Variants in MEIKIN observed in about 807,000 individuals in gnomAD.
MEIKIN encodes the protein meiosis-specific kinetochore protein.
At chr5:131,837,946 C>T (rs1749839918) in intron 11 of MEIKIN, among the ~76,000 whole-genome samples, 1 of 152,026 alleles carries the variant, frequency 6.6e-6, no homozygotes, top group Admixed American at 6.6e-5. Context: ...TGCTGGTTTT[C>T]AAGGGTAGTG....
chr5:131,863,862 GCT>G (rs891776709), intron 9 of MEIKIN, among the ~76,000 whole-genome samples: 1 of 152,054 alleles, frequency 6.6e-6, no homozygotes, highest in African/African-American at 2.4e-5. Context: ...GCCTGCACAA[GCT>G]CTCTCTGCCT....
chr5:131,850,602 C>T (rs572412389), intron 11 of MEIKIN, among the ~76,000 whole-genome samples: 7 of 152,206 alleles, frequency 4.6e-5, no homozygotes, highest in African/African-American at 1.7e-4. Context: ...ACAAATGATG[C>T]TGAGAAAACT....
Position 131,824,493 on chromosome 5 carries a change from C to T in MEIKIN, c.976-5630G>A, listed in dbSNP as rs550674332. On this transcript the variant is annotated intron_variant, in intron 11 of 12. Coordinates refer to ENST00000442687, the MANE Select transcript of MEIKIN (RefSeq NM_001303622.2). ...TATAATCCCACTGCTACACTCCAGC[C>T]TAAGTAACAGAGAGAGACATCCTGT... Among the ~76,000 whole-genome samples the T allele has an allele frequency of 1.2e-4, 18 of 151,978 alleles. 1 individual carries two copies. The South Asian group carries it at 2.1e-3, about 18-fold the overall frequency.
At chr5:131,896,034 T>G (rs546612579) in intron 8 of MEIKIN, among the ~76,000 whole-genome samples, 21 of 152,242 alleles carry the variant, frequency 1.4e-4, no homozygotes, top group Non-Finnish European at 2.6e-4. Flanking sequence ...GTGCTATAAA[T>G]TGCCCTCTAC....
intron 8 of MEIKIN, among the ~76,000 whole-genome samples, chr5:131,881,423 C>T (rs1750701637): frequency 6.6e-6 from 1 of 152,168 alleles, no homozygotes; most frequent in African/African-American, 2.4e-5. Context: ...TTCTCCCTTT[C>T]CCTACCTCTA....
At chr5:131,925,914 C>G (rs556736211) in intron 5 of MEIKIN, among the ~76,000 whole-genome samples, 125 of 152,234 alleles carry the variant, frequency 8.2e-4, no homozygotes, top group African/African-American at 2.9e-3. Context: ...GTGATCTGCC[C>G]GCCTTGGCCT....
At chr5:131,928,557 T>G (rs948838727) in intron 5 of MEIKIN, among the ~76,000 whole-genome samples, 2 of 152,214 alleles carry the variant, frequency 1.3e-5, no homozygotes, top group East Asian at 3.8e-4. Context: ...TTTATTCATG[T>G]CACAATTTAT....
At chr5:131,826,884 A>G (rs1231934726) in intron 11 of MEIKIN, among the ~76,000 whole-genome samples, 2 of 152,256 alleles carry the variant, frequency 1.3e-5, no homozygotes, top group Non-Finnish European at 2.9e-5. Flanking sequence ...ACCTGGTCTC[A>G]GGTAGTATCC....
intron 5 of MEIKIN, among the ~76,000 whole-genome samples, chr5:131,923,468 T>A (rs1035733673): frequency 5.9e-5 from 9 of 152,042 alleles, no homozygotes; most frequent in African/African-American, 2.2e-4. Context: ...TGTTCTTCTA[T>A]CTTATATTTT....
At chr5:131,921,049 A>C (rs1341371174) in intron 6 of MEIKIN, among the ~76,000 whole-genome samples, 1 of 152,132 alleles carries the variant, frequency 6.6e-6, no homozygotes, top group African/African-American at 2.4e-5. Flanking sequence ...ATCCCAACTA[A>C]GGGACATTCT....
intron 11 of MEIKIN, among the ~76,000 whole-genome samples, chr5:131,833,166 C>A (rs1228645360): frequency 6.6e-6 from 1 of 152,314 alleles, no homozygotes; most frequent in Non-Finnish European, 1.5e-5. Flanking sequence ...CAAGTCACCT[C>A]CTGAATGCTT....
At chr5:131,895,118 A>G (rs1751013199) in intron 8 of MEIKIN, among the ~76,000 whole-genome samples, 1 of 152,174 alleles carries the variant, frequency 6.6e-6, no homozygotes, top group Non-Finnish European at 1.5e-5. Context: ...ATTTTGTCGA[A>G]GGCCTCTTCT....
chr5:131,891,372 A>C (rs1750914011), intron 8 of MEIKIN, among the ~76,000 whole-genome samples: 1 of 152,156 alleles, frequency 6.6e-6, no homozygotes, highest in African/African-American at 2.4e-5. Flanking sequence ...GTAGGTCACT[A>C]AGGACTTGCT....
intron 12 of MEIKIN, among the ~76,000 whole-genome samples, chr5:131,815,786 A>C (rs1455232154): frequency 6.6e-6 from 1 of 152,254 alleles, no homozygotes; most frequent in Non-Finnish European, 1.5e-5. Context: ...CAATCCATGC[A>C]GGACTGCTAA....
chr5:131,871,966 A>G (rs1049345158), intron 9 of MEIKIN, among the ~76,000 whole-genome samples: 1 of 152,188 alleles, frequency 6.6e-6, no homozygotes, highest in African/African-American at 2.4e-5. Context: ...ACTAACAAAC[A>G]GGAAGGACAT....
chr5:131,917,106 AATTTTATGAG>A (rs1459214322), intron 6 of MEIKIN, among the ~76,000 whole-genome samples, 181 bp from the exon 7 acceptor site: 7 of 152,150 alleles, frequency 4.6e-5, no homozygotes, highest in Non-Finnish European at 8.8e-5. Context: ...AATGCTGCAA[AATTTTATGAG>A]ATACAGGAAT....
intron 11 of MEIKIN, among the ~76,000 whole-genome samples, chr5:131,836,377 T>C (rs937507861): frequency 6.6e-6 from 1 of 152,204 alleles, no homozygotes; most frequent in African/African-American, 2.4e-5. Flanking sequence ...TGTGTCTTTA[T>C]GGTAGAACAA....
At chr5:131,914,777 T>C (rs1751391953) in intron 7 of MEIKIN, among the ~76,000 whole-genome samples, 1 of 152,112 alleles carries the variant, frequency 6.6e-6, no homozygotes, top group South Asian at 2.1e-4. Flanking sequence ...TAGAGCATTA[T>C]TAGAAAGAGA....
At chr5:131,868,103 T>G (rs1750420248) in intron 9 of MEIKIN, among the ~76,000 whole-genome samples, 1 of 152,196 alleles carries the variant, frequency 6.6e-6, no homozygotes, top group Non-Finnish European at 1.5e-5. Flanking sequence ...GTTTCTGGTT[T>G]TTTTGAAACA....
Sources: allele counts gnomAD v4.1 joint callset (sites outside exome capture counted in the v4.1 genomes callset), GRCh38; gene constraint gnomAD v4.1.1; transcripts MANE v1.5; gene names NCBI Gene and HGNC (gene_info 2026-07-23, HGNC 2026-07-21).